Variants in DTNBP1 observed in about 807,000 individuals in gnomAD.
DTNBP1 encodes the protein dysbindin.
Under a neutral mutation model 42.8 loss-of-function variants are expected in DTNBP1, and 35 were observed. The ratio of observed to expected loss-of-function variants is 0.82; its 90% confidence interval spans 0.63 to 1.09. The LOEUF (loss-of-function observed/expected upper bound fraction) is 1.09, where lower values mean the gene tolerates loss of function less well. DTNBP1 is among the 50% of genes least tolerant of loss of function. DTNBP1 has a pLI of 0.00. For synonymous variants in DTNBP1, 171 were observed against 162.2 expected (o/e 1.05, Z -0.41); for missense variants, 457 against 424.2 (o/e 1.08, Z -0.68).
intron 6 of DTNBP1, among the ~76,000 whole-genome samples, chr6:15,594,985 C>T (rs1411547148): frequency 1.3e-5 from 2 of 152,074 alleles, no homozygotes; most frequent in African/African-American, 4.8e-5. Flanking sequence ...AGTGAGTGTG[C>T]AATTGAGGAG....
chr6:15,658,259 T>A (rs1761393727), intron 1 of DTNBP1, among the ~76,000 whole-genome samples: 1 of 152,226 alleles, frequency 6.6e-6, no homozygotes, highest in South Asian at 2.1e-4. Flanking sequence ...ACTCTGTAGA[T>A]ATTTATGAAA....
At chr6:15,598,452 T>C (rs1300764498) in intron 6 of DTNBP1, among the ~76,000 whole-genome samples, 2 of 152,120 alleles carry the variant, frequency 1.3e-5, no homozygotes, top group African/African-American at 4.8e-5. Context: ...TGTGTAGAAA[T>C]GTTTAGGGGA....
Position 15,556,260 on chromosome 6 carries a change from C to T in DTNBP1, c.512-22865G>A, listed in dbSNP as rs142236100. Among the ~76,000 whole-genome samples the T allele has an allele frequency of 4.7e-3, 707 of 151,734 alleles. 7 individuals carry two copies. The highest frequency in any genetic ancestry group is 0.016 in the African/African-American group (676 of 41,312). ...GCAGTGGCACAGTCTCAGCTCACTG[C>T]AACCTCCACCTCCTAGGTTCAAGAG... On this transcript the variant is annotated intron_variant, in intron 7 of 9. Transcript: ENST00000344537.
chr6:15,569,530 T>C (rs1219795158), intron 7 of DTNBP1, among the ~76,000 whole-genome samples: 2 of 152,026 alleles, frequency 1.3e-5, no homozygotes, highest in African/African-American at 4.8e-5. Flanking sequence ...TGCGGTTTCC[T>C]CCCATCTCCT....
chr6:15,573,409 T>C (rs1483415461), intron 7 of DTNBP1, among the ~76,000 whole-genome samples: 1 of 152,184 alleles, frequency 6.6e-6, no homozygotes, highest in Non-Finnish European at 1.5e-5. Flanking sequence ...AAAGAGTCCA[T>C]TGGAAAATCC....
intron 3 of DTNBP1, among the ~76,000 whole-genome samples, chr6:15,647,519 A>C (rs1760757800): frequency 6.6e-6 from 1 of 151,878 alleles, no homozygotes; most frequent in Non-Finnish European, 1.5e-5. Flanking sequence ...AGATAAACCA[A>C]TTTAAATTAT....
intron 7 of DTNBP1, among the ~76,000 whole-genome samples, chr6:15,557,183 T>C (rs1270691976): frequency 6.6e-6 from 1 of 151,814 alleles, no homozygotes; most frequent in African/African-American, 2.4e-5. Flanking sequence ...GTTTTACATG[T>C]AAGGTGTGTT....
intron 9 of DTNBP1, chr6:15,523,839 G>A (rs1404714846): frequency 2.0e-5 from 26 of 1,287,096 alleles, no homozygotes; most frequent in Non-Finnish European, 2.4e-5. Flanking sequence ...ATTGCCAGGA[G>A]AAGCGGGTGA....
At chr6:15,548,147 AATT>A (rs1195126122) in intron 7 of DTNBP1, among the ~76,000 whole-genome samples, 2 of 152,224 alleles carry the variant, frequency 1.3e-5, no homozygotes, top group African/African-American at 4.8e-5. Context: ...GAGATTTCTG[AATT>A]ATTAAAACAT....
chr6:15,563,405 C>T (rs1338736846), intron 7 of DTNBP1, among the ~76,000 whole-genome samples: 1 of 152,170 alleles, frequency 6.6e-6, no homozygotes, highest in African/African-American at 2.4e-5. Context: ...GCCATCTTCA[C>T]AGGGTTAACA....
intron 7 of DTNBP1, among the ~76,000 whole-genome samples, chr6:15,549,883 A>T (rs1774113219): frequency 6.6e-6 from 1 of 152,176 alleles, no homozygotes; most frequent in South Asian, 2.1e-4. Context: ...AAGCTCAAGG[A>T]AAAAAGCTAC....
intron 6 of DTNBP1, chr6:15,614,940 G>GGAAAA: frequency 2.5e-6 from 1 of 405,720 alleles, no homozygotes; most frequent in Admixed American, 3.5e-5. Flanking sequence ...GAGAAGAGCA[G>GGAAAA]GAAAAGAAAA....
rs141127786 is a variant in DTNBP1, at chr6:15,565,612, T to C, written c.511+27447A>G. On this transcript the variant is annotated intron_variant, in intron 7 of 9. Transcript: ENST00000344537. ...ATACGTAACATAGGATTCTGGACAT[T>C]TATATGAAATGTCTAGAAAAGGCAA... Among the ~76,000 whole-genome samples, 41 of 152,326 alleles carry C rather than the reference T, an allele frequency of 2.7e-4. No individual in the cohort carries two copies. The East Asian group carries it at 4.4e-3, about 16-fold the overall frequency.
chr6:15,574,702 G>A (rs1037012515), intron 7 of DTNBP1, among the ~76,000 whole-genome samples: 1 of 152,176 alleles, frequency 6.6e-6, no homozygotes, highest in African/African-American at 2.4e-5. Flanking sequence ...GGGAGGAGGA[G>A]GAGGACAGTG....
At chr6:15,613,777 A>C (rs954040653) in intron 6 of DTNBP1, among the ~76,000 whole-genome samples, 7 of 152,048 alleles carry the variant, frequency 4.6e-5, no homozygotes, top group Non-Finnish European at 8.8e-5. Context: ...TTTTGTGAAC[A>C]ATTTGATCCA....
rs115251902 is a variant in DTNBP1 at position 15,642,618 on chromosome 6, C to T, written c.162-4814G>A. Among the ~76,000 whole-genome samples, 772 of 152,318 alleles carry T rather than the reference C, an allele frequency of 5.1e-3. 2 individuals are homozygous for T. The highest frequency in any genetic ancestry group is 8.1e-3 in the African/African-American group (338 of 41,588). On this transcript the variant is annotated intron_variant, in intron 3 of 9. Coordinates refer to ENST00000344537, the MANE Select transcript of DTNBP1 (RefSeq NM_032122.5). The stretch of plus-strand genomic sequence containing the variant: ...TGGGATCTCCACACCCTCAGCTCCA[C>T]AGGAGACAAGGTGTTAGGTGTCAGT...
chr6:15,651,994 A>C, intron 2 of DTNBP1, 93 bp downstream of exon 2: 1 of 1,116,984 alleles, frequency 9.0e-7, no homozygotes, highest in Non-Finnish European at 1.3e-6. Context: ...CAACAAATCT[A>C]AGGTTCATTA....
chr6:15,650,522 T>C (rs772244808), intron 3 of DTNBP1, among the ~76,000 whole-genome samples: 2 of 152,162 alleles, frequency 1.3e-5, no homozygotes, highest in Non-Finnish European at 2.9e-5. Context: ...CCTCAAGTGA[T>C]CTGCCTGCCT....
intron 7 of DTNBP1, among the ~76,000 whole-genome samples, chr6:15,573,674 C>T (rs1338281491): frequency 6.6e-6 from 1 of 152,014 alleles, no homozygotes; most frequent in Non-Finnish European, 1.5e-5. Flanking sequence ...AAAGGAGAAG[C>T]TCTGCTCCTT....
Sources: allele counts gnomAD v4.1 joint callset (sites outside exome capture counted in the v4.1 genomes callset), GRCh38; gene constraint gnomAD v4.1.1; transcripts MANE v1.5; gene names NCBI Gene and HGNC (gene_info 2026-07-23, HGNC 2026-07-21).